The following CD163L1 variants were observed in gnomAD, a reference collection of about 807,000 sequenced individuals.
CD163L1 encodes the protein scavenger receptor cysteine-rich type 1 protein M160.
A neutral mutation model predicts 165.4 loss-of-function variants in CD163L1; 124 were observed. The observed-to-expected ratio is 0.75, with a 90% confidence interval of 0.65 to 0.87. The LOEUF (loss-of-function observed/expected upper bound fraction) is 0.87. Ranked by LOEUF, CD163L1 falls within the 40% of genes least tolerant of loss-of-function variation. CD163L1 has a pLI of 0.00. For synonymous variants in CD163L1, 585 were observed against 662.2 expected (o/e 0.88, Z 1.79); for missense variants, 1,525 against 1,799.9 (o/e 0.85, Z 2.76).
At chr12:7,318,885 A>C in the CD163L1 span, among the ~76,000 whole-genome samples, 1 of 152,230 alleles carries the variant, frequency 6.6e-6, no homozygotes, top group Non-Finnish European at 1.5e-5. Flanking sequence ...TGGTCTGACA[A>C]GATGGTTTAA....
intron 4 of CD163L1, 108 bp from the exon 5 acceptor site, chr12:7,406,960 A>G: frequency 1.0e-6 from 1 of 989,964 alleles, no homozygotes; most frequent in Non-Finnish European, 1.5e-6. Context: ...ATTGAGATTC[A>G]ATGAATGTCT....
Position 7,373,468 on chromosome 12 carries a change from G to C in CD163L1, c.3582C>G (p.Leu1194=). Residue 1194 remains leucine, a synonymous_variant, in exon 14 of 20, where the codon CTC becomes CTG. Transcript: ENST00000313599. The stretch of plus-strand genomic sequence containing the variant: ...CAGAGCCTGTCTTAGATAAAGGGGC[G>C]AGGCTGACAACTCCATTCTCCCCAC... ...LGCGENGVVS[L]APLSKTGSGF... is the part of the protein sequence containing the mutation. 1 of 1,614,160 alleles carries C rather than the reference G, an allele frequency of 6.2e-7. No homozygotes were observed. Among genetic ancestry groups the C allele is most frequent in the Non-Finnish European group, 8.5e-7 (1 of 1,180,030 alleles).
chr12:7,330,339 T>A, the CD163L1 span, among the ~76,000 whole-genome samples: 1 of 152,198 alleles, frequency 6.6e-6, no homozygotes, highest in East Asian at 1.9e-4. Flanking sequence ...TAATAATAAG[T>A]CCATTTCCGT....
chr12:7,433,290 G>A (rs772867040), intron 3 of CD163L1, 84 bp downstream of exon 3: 18 of 1,233,540 alleles, frequency 1.5e-5, no homozygotes, highest in African/African-American at 1.3e-4. Flanking sequence ...CACTATTAAA[G>A]TCATAATAGA....
the CD163L1 span, among the ~76,000 whole-genome samples, chr12:7,331,203 G>C: frequency 1.3e-5 from 2 of 152,240 alleles, no homozygotes; most frequent in Non-Finnish European, 2.9e-5. Flanking sequence ...ACAGCAGTCT[G>C]AGATCAAACT....
At chr12:7,434,775 T>C (rs1427059544) in intron 2 of CD163L1, among the ~76,000 whole-genome samples, 1 of 152,088 alleles carries the variant, frequency 6.6e-6, no homozygotes, top group East Asian at 1.9e-4. Flanking sequence ...GGCTTCCCAG[T>C]TCTGAGTTTC....
At chr12:7,355,416 C>A (rs1946754839) in intron 19 of CD163L1, among the ~76,000 whole-genome samples, 1 of 151,884 alleles carries the variant, frequency 6.6e-6, no homozygotes, top group African/African-American at 2.4e-5. Context: ...TAAATAACAC[C>A]AAAATTAAAA....
intron 9 of CD163L1, 59 bp from the exon 10 acceptor site, chr12:7,376,073 C>G (rs1947267532): frequency 6.8e-7 from 1 of 1,475,018 alleles, no homozygotes. Flanking sequence ...ATCCCTGTCT[C>G]CAGTCTCCAT....
At chr12:7,319,747 A>G in the CD163L1 span, among the ~76,000 whole-genome samples, 198 of 152,258 alleles carry the variant, frequency 1.3e-3, 1 homozygote, top group South Asian at 0.011. Context: ...TACTTAACAT[A>G]AATGTACACT....
chr12:7,363,971 C>T (rs981740954), intron 18 of CD163L1, among the ~76,000 whole-genome samples: 5 of 151,938 alleles, frequency 3.3e-5, no homozygotes, highest in Admixed American at 1.3e-4. Context: ...CAAAACCAGA[C>T]AATGAAACAA....
intron 4 of CD163L1, among the ~76,000 whole-genome samples, chr12:7,411,126 T>C (rs1277059865): frequency 6.6e-6 from 1 of 151,988 alleles, no homozygotes; most frequent in Non-Finnish European, 1.5e-5. Context: ...GGGAAAGTCA[T>C]AAAACATGGA....
Position 7,374,090 on chromosome 12 carries a change from TA to T in CD163L1, c.3409+351del, listed in dbSNP as rs1174899005. 6.6e-6 allele frequency among the ~76,000 whole-genome samples: 1 copy of T among 152,136 alleles called. No homozygotes were observed. Among genetic ancestry groups the T allele is most frequent in the Admixed American group, 6.5e-5 (1 of 15,278 alleles). On this transcript the variant is annotated intron_variant, in intron 13 of 19. Coordinates refer to ENST00000313599, the MANE Select transcript of CD163L1 (RefSeq NM_174941.6). The surrounding 1 kb of genome is among the most constrained non-coding windows in gnomAD (Gnocchi z 5.4). ...ACTAATAACCATGGCTTCAGGCTAC[TA>T]AAAGCCTAAAATAAAACAAAACAAA...
At chr12:7,393,546 C>A (rs1022950911) in intron 8 of CD163L1, among the ~76,000 whole-genome samples, 1 of 152,146 alleles carries the variant, frequency 6.6e-6, no homozygotes, top group Admixed American at 6.5e-5. Context: ...CACTCCTATT[C>A]AACATAGTGT....
chr12:7,421,047 A>ACG (rs1419769790), intron 4 of CD163L1, among the ~76,000 whole-genome samples: 15 of 97,958 alleles, frequency 1.5e-4, no homozygotes, highest in African/African-American at 6.9e-4. Flanking sequence ...GTGTATATAT[A>ACG]TGTATATACG....
At position 7,357,384 on chromosome 12, in the gene CD163L1, TGAGCCCTGGA is replaced by T. The variant is rs1946799729; in HGVS notation, c.*10_*19del. 6 of 1,605,724 alleles carry T rather than the reference TGAGCCCTGGA, an allele frequency of 3.7e-6. No individual in the cohort carries two copies. In the East Asian group the frequency reaches 1.3e-4, roughly 36 times the overall value. ...GAACAATACTTCTCAACTTACCTGG[TGAGCCCTGGA>T]AGTCTAAAGTCATTTTGTGGCTTCA... is the stretch of plus-strand genomic sequence containing the variant. On this transcript the variant is annotated 3_prime_UTR_variant, in exon 19 of 20. Coordinates refer to ENST00000313599, the MANE Select transcript of CD163L1 (RefSeq NM_174941.6).
intron 18 of CD163L1, among the ~76,000 whole-genome samples, chr12:7,358,523 A>G (rs1946825758): frequency 6.6e-6 from 1 of 152,118 alleles, no homozygotes; most frequent in African/African-American, 2.4e-5. Flanking sequence ...CCCAATGACA[A>G]CAGGGGAGAC....
intron 4 of CD163L1, among the ~76,000 whole-genome samples, chr12:7,424,775 C>G (rs924618040): frequency 2.0e-5 from 3 of 152,116 alleles, no homozygotes; most frequent in African/African-American, 7.2e-5. Context: ...ATACAACTTA[C>G]AAGGGACATG....
intron 8 of CD163L1, among the ~76,000 whole-genome samples, chr12:7,391,988 C>G (rs953391440): frequency 6.8e-6 from 1 of 146,884 alleles, no homozygotes; most frequent in Non-Finnish European, 1.5e-5. Context: ...GACTTTAACA[C>G]CCCACTGTGA....
chr12:7,423,742 A>G (rs1948484479), intron 4 of CD163L1, among the ~76,000 whole-genome samples: 1 of 152,164 alleles, frequency 6.6e-6, no homozygotes, highest in Admixed American at 6.5e-5. Context: ...ATTTGGATAA[A>G]TTCCTGGACA....
Sources: allele counts gnomAD v4.1 joint callset (sites outside exome capture counted in the v4.1 genomes callset), GRCh38; gene constraint gnomAD v4.1.1; non-coding constraint Gnocchi (gnomAD v3.1); transcripts MANE v1.5; gene names NCBI Gene and HGNC (gene_info 2026-07-23, HGNC 2026-07-21).